Variants in GRIK2 observed in about 807,000 individuals in gnomAD.
GRIK2 encodes glutamate receptor ionotropic, kainate 2.
In GRIK2, 32 loss-of-function variants were observed where a neutral mutation model predicts 100.3. That is an observed-to-expected ratio of 0.32 (90% CI 0.24 to 0.43). The LOEUF is 0.43. Among genes scored for constraint, GRIK2 ranks in the 20% least tolerant of loss-of-function variants. The pLI, the probability that GRIK2 is intolerant of heterozygous loss-of-function variation, is 1.00. For synonymous variants in GRIK2, 417 were observed against 389.4 expected (o/e 1.07, Z -0.83); for missense variants, 843 against 1,114.9 (o/e 0.76, Z 3.47).
intron 2 of GRIK2, among the ~76,000 whole-genome samples, chr6:101,464,423 A>G (rs537430953): frequency 1.2e-4 from 17 of 147,472 alleles, no homozygotes; most frequent in Non-Finnish European, 2.4e-4. Flanking sequence ...GCAGTGGTGG[A>G]GGCATAAACT....
intron 7 of GRIK2, among the ~76,000 whole-genome samples, chr6:101,742,752 C>A (rs1378247479): frequency 2.0e-5 from 3 of 152,112 alleles, no homozygotes; most frequent in African/African-American, 4.8e-5. Flanking sequence ...TTTTACCATG[C>A]AGATGAAGCT....
chr6:101,966,932 T>G (rs1397852460), intron 14 of GRIK2, among the ~76,000 whole-genome samples: 3 of 152,020 alleles, frequency 2.0e-5, no homozygotes, highest in African/African-American at 7.2e-5. Flanking sequence ...TAATTTATAG[T>G]GTTTTATTGT....
chr6:102,057,952 G>A (rs1416673736), intron 16 of GRIK2, among the ~76,000 whole-genome samples: 5 of 151,728 alleles, frequency 3.3e-5, no homozygotes, highest in Non-Finnish European at 4.4e-5. Flanking sequence ...TGGGCACAGA[G>A]CATAGCTTGT....
chr6:101,744,558 A>ATATATATATCTATCTATC (rs751011648), intron 7 of GRIK2: 9 of 115,044 alleles, frequency 7.8e-5, no homozygotes, highest in African/African-American at 3.3e-4. Context: ...ATATATATAT[A>ATATATATATCTATCTATC]TCACAATTTC....
intron 7 of GRIK2, among the ~76,000 whole-genome samples, chr6:101,733,792 A>G (rs2128372869): frequency 7.5e-6 from 1 of 133,260 alleles, no homozygotes. Flanking sequence ...TACTTTGCTT[A>G]GAAATCTCCT....
chr6:102,011,385 C>T (rs567217558), intron 14 of GRIK2, among the ~76,000 whole-genome samples: 7 of 152,042 alleles, frequency 4.6e-5, no homozygotes, highest in South Asian at 2.1e-4. Flanking sequence ...TTTTAAAATG[C>T]GTTGTTCATA....
At chr6:101,751,588 C>T (rs1308884808) in intron 7 of GRIK2, among the ~76,000 whole-genome samples, 2 of 151,958 alleles carry the variant, frequency 1.3e-5, no homozygotes, top group Admixed American at 6.5e-5. Flanking sequence ...TTCCAATTGC[C>T]TTACAAACTT....
intron 2 of GRIK2, among the ~76,000 whole-genome samples, chr6:101,405,125 C>T (rs561033762): frequency 3.0e-4 from 46 of 152,220 alleles, no homozygotes; most frequent in Middle Eastern, 3.4e-3. Flanking sequence ...CTAAATAGAA[C>T]GCCCTTAACA....
At chr6:101,897,329 A>T (rs1332434139) in intron 12 of GRIK2, among the ~76,000 whole-genome samples, 4 of 151,834 alleles carry the variant, frequency 2.6e-5, no homozygotes, top group Non-Finnish European at 4.4e-5. Flanking sequence ...TTTTTTACCA[A>T]GTGATACACT....
At chr6:101,428,524 T>C (rs2518155) in intron 2 of GRIK2, among the ~76,000 whole-genome samples, 121,613 of 152,148 alleles carry the variant, frequency 0.8, 49,204 homozygotes, top group East Asian at 0.97. Flanking sequence ...ATTTCTAATT[T>C]GATTTTTAGA....
chr6:101,832,446 T>C (rs186717519), intron 10 of GRIK2, among the ~76,000 whole-genome samples: 1 of 152,276 alleles, frequency 6.6e-6, no homozygotes, highest in African/African-American at 2.4e-5. Context: ...GTAAGAACAA[T>C]CATTTCCAAC....
chr6:102,060,452 G>A (rs958208705), intron 16 of GRIK2, among the ~76,000 whole-genome samples: 3 of 150,686 alleles, frequency 2.0e-5, no homozygotes, highest in Non-Finnish European at 3.0e-5. Flanking sequence ...AGGAAAACAC[G>A]TAGCAAAGCC....
At chr6:101,865,583 T>C (rs968936307) in intron 11 of GRIK2, among the ~76,000 whole-genome samples, 2 of 152,136 alleles carry the variant, frequency 1.3e-5, no homozygotes, top group Non-Finnish European at 2.9e-5. Context: ...ACTCTAGTAC[T>C]TCTTGTGAAA....
intron 7 of GRIK2, among the ~76,000 whole-genome samples, chr6:101,763,967 CAAGAA>C (rs1777888028): frequency 1.3e-5 from 2 of 152,052 alleles, no homozygotes. Flanking sequence ...TCTGATTTGA[CAAGAA>C]AAGAGATAAA....
At position 101,468,163 on chromosome 6, in the gene GRIK2, C is replaced by A. The variant is rs561486746; in HGVS notation, c.115+68771C>A. 3.3e-5 allele frequency among the ~76,000 whole-genome samples: 5 copies of A among 152,204 alleles called. No homozygotes were observed. The East Asian group carries it at 5.8e-4, about 18-fold the overall frequency. On this transcript the variant is annotated intron_variant, in intron 2 of 16. Transcript: ENST00000369134. ...TGCCCAGTGGGAAGGACCCACAGAG[C>A]CTCTTAGGAACTTGCATGTGTCCCA...
At chr6:101,504,667 CAT>C (rs1180719785) in intron 2 of GRIK2, among the ~76,000 whole-genome samples, 1 of 151,850 alleles carries the variant, frequency 6.6e-6, no homozygotes, top group Non-Finnish European at 1.5e-5. Context: ...TTTAGTTAAA[CAT>C]ATTACATAAA....
chr6:101,556,031 A>AAG (rs1776718565), intron 2 of GRIK2, among the ~76,000 whole-genome samples: 1 of 151,848 alleles, frequency 6.6e-6, no homozygotes, highest in African/African-American at 2.4e-5. Flanking sequence ...TTTAATGTTA[A>AAG]CATTTTGTCA....
At chr6:101,547,312 C>CT (rs1177710757) in intron 2 of GRIK2, among the ~76,000 whole-genome samples, 11 of 71,118 alleles carry the variant, frequency 1.5e-4, no homozygotes, top group South Asian at 4.9e-4. Flanking sequence ...TTAGCAGTTT[C>CT]TTTTTTTTGG....
chr6:101,716,253 C>T (rs1774057838), intron 7 of GRIK2, among the ~76,000 whole-genome samples: 1 of 151,324 alleles, frequency 6.6e-6, no homozygotes. Flanking sequence ...ATCTGAGGGC[C>T]TGTGATAATA....
Sources: allele counts gnomAD v4.1 joint callset (sites outside exome capture counted in the v4.1 genomes callset), GRCh38; gene constraint gnomAD v4.1.1; transcripts MANE v1.5; gene names NCBI Gene and HGNC (gene_info 2026-07-23, HGNC 2026-07-21).